HOPX: variants seen among roughly 807,000 people sequenced by gnomAD.
The protein encoded by HOPX is homeodomain-only protein.
A neutral mutation model predicts 11.8 loss-of-function variants in HOPX; 5 were observed. That is an observed-to-expected ratio of 0.43 (90% CI 0.22 to 0.89). The LOEUF is 0.89. HOPX is among the 40% of genes least tolerant of loss of function. The pLI is 0.28. For synonymous variants in HOPX, 49 were observed against 49.7 expected, an observed-to-expected ratio of 0.99 and a Z score of 0.06; for missense variants, 119 against 120.0, an observed-to-expected ratio of 0.99 and a Z score of 0.04.
chr4:56,656,052 G>C, intron 2 of HOPX, 40 bp from the exon 3 acceptor site: 1 of 1,504,636 alleles, frequency 6.6e-7, no homozygotes, highest in Non-Finnish European at 8.9e-7. Flanking sequence ...AGCGAGGCGT[G>C]GAGCGGGCGG....
At chr4:56,659,910 C>G (rs938612999) in intron 1 of HOPX, among the ~76,000 whole-genome samples, 1 of 152,136 alleles carries the variant, frequency 6.6e-6, no homozygotes, top group African/African-American at 2.4e-5. Context: ...AAACCTAATG[C>G]TATTAATCTT....
intron 1 of HOPX, 102 bp downstream of exon 1, chr4:56,681,153 T>C: frequency 6.2e-6 from 6 of 967,686 alleles, no homozygotes; most frequent in Non-Finnish European, 7.4e-6. Flanking sequence ...ACCTCTACCG[T>C]TTTCCAACAG....
At chr4:56,679,979 AATC>A (rs1719241563) in intron 1 of HOPX, 1 of 152,118 alleles carries the variant, frequency 6.6e-6, no homozygotes, top group Non-Finnish European at 1.5e-5. Flanking sequence ...TATAGCCCTT[AATC>A]ATTATTTGCT....
chr4:56,673,775 G>C (rs1006322807), intron 1 of HOPX, among the ~76,000 whole-genome samples: 2 of 152,098 alleles, frequency 1.3e-5, no homozygotes, highest in African/African-American at 4.8e-5. Context: ...TGTGATCTTG[G>C]CTCCCTGCAG....
chr4:56,673,909 T>A (rs1471738047), intron 1 of HOPX, among the ~76,000 whole-genome samples: 2 of 151,656 alleles, frequency 1.3e-5, no homozygotes, highest in Non-Finnish European at 2.9e-5. Context: ...TTCACCATGT[T>A]GGCCAGGCTG....
chr4:56,661,953 T>A (rs1277478048), intron 1 of HOPX, among the ~76,000 whole-genome samples: 2 of 152,206 alleles, frequency 1.3e-5, no homozygotes. Flanking sequence ...TCTACAGAAC[T>A]CCTGGGAGTC....
rs1436757077 is a variant in HOPX, at chr4:56,655,934, T to C, written c.121A>G (p.Lys41Glu). Reference protein sequence around the residue: ...QVEILEYNFNKVDKHPDSTTL... With the variant: ...QVEILEYNFNEVDKHPDSTTL... ...GTGGAATCCGGGTGCTTGTCGACCT[T>C]GTTGAAGTTGTACTCCAGGATTTCC... The change falls in exon 3 of 4, where the codon AAG (lysine) becomes GAG (glutamate). Residue 41 changes from lysine (K) to glutamate (E), a missense_variant. Coordinates refer to ENST00000420433, the MANE Select transcript of HOPX (RefSeq NM_032495.6). 2.5e-6 allele frequency: 4 copies of C among 1,611,646 alleles called. No individual in the cohort carries two copies. In the African/African-American group the frequency reaches 4.0e-5, roughly 16 times the overall value.
chr4:56,649,055 G>C (rs184874305), intron 3 of HOPX: 6 of 335,262 alleles, frequency 1.8e-5, no homozygotes, highest in Admixed American at 1.3e-4. Flanking sequence ...AGCTTAAACA[G>C]GACCTTCTCA....
intron 1 of HOPX, 197 bp downstream of exon 1, chr4:56,681,058 G>T (rs1321060294): frequency 1.7e-5 from 17 of 985,132 alleles, no homozygotes; most frequent in Non-Finnish European, 1.9e-5. Flanking sequence ...ATGCAGTTTT[G>T]TTTGTAAGGG....
intron 1 of HOPX, chr4:56,659,419 G>A (rs944965928): frequency 3.3e-5 from 5 of 152,142 alleles, no homozygotes; most frequent in East Asian, 1.9e-4. Flanking sequence ...CTTCCCCTTC[G>A]TCACTTATTC....
chr4:56,658,755 T>C (rs1317643925), intron 1 of HOPX, among the ~76,000 whole-genome samples: 1 of 152,242 alleles, frequency 6.6e-6, no homozygotes, highest in African/African-American at 2.4e-5. Flanking sequence ...AAAAATACTT[T>C]AAAGCTACTC....
chr4:56,654,775 A>G (rs1717512832), intron 3 of HOPX, among the ~76,000 whole-genome samples: 1 of 152,156 alleles, frequency 6.6e-6, no homozygotes, highest in Non-Finnish European at 1.5e-5. Context: ...CTAAACCTCA[A>G]CTGAGCATGG....
At chr4:56,666,829 A>G (rs1718464725) in intron 1 of HOPX, among the ~76,000 whole-genome samples, 1 of 152,210 alleles carries the variant, frequency 6.6e-6, no homozygotes, top group African/African-American at 2.4e-5. Context: ...TTTCCCGAGA[A>G]AGAATATTGT....
chr4:56,655,836 T>C (rs1442255413), intron 3 of HOPX, 21 bp downstream of exon 3: 1 of 1,607,490 alleles, frequency 6.2e-7, no homozygotes. Flanking sequence ...CGGGGCGCGC[T>C]GGGCGCGTGT....
upstream of HOPX, chr4:56,681,527 T>C: frequency 1.0e-6 from 1 of 999,832 alleles, no homozygotes; most frequent in Non-Finnish European, 1.2e-6. Flanking sequence ...CTCGTCACTA[T>C]CTTCTCGTCC....
chr4:56,678,566 C>A (rs1423597572), intron 1 of HOPX, among the ~76,000 whole-genome samples: 1 of 151,642 alleles, frequency 6.6e-6, no homozygotes, highest in Non-Finnish European at 1.5e-5. Flanking sequence ...CTGCCTCAGC[C>A]TCCCAAGTAG....
intron 1 of HOPX, chr4:56,662,556 T>G (rs547447967): frequency 6.6e-6 from 1 of 151,960 alleles, no homozygotes; most frequent in African/African-American, 2.4e-5. Flanking sequence ...CTTGGCTCAC[T>G]GCAACCTCCG....
At chr4:56,662,612 G>A (rs1438557467) in intron 1 of HOPX, 1 of 151,952 alleles carries the variant, frequency 6.6e-6, no homozygotes, top group African/African-American at 2.4e-5. Flanking sequence ...CCCCAGCTGA[G>A]ATTACAAGTG....
intron 2 of HOPX, 143 bp from the exon 3 acceptor site, chr4:56,656,155 T>A: frequency 8.7e-7 from 1 of 1,151,760 alleles, no homozygotes; most frequent in Non-Finnish European, 1.1e-6. Context: ...AAGTCCCCGG[T>A]GGCTGCACGC....
Sources: gnomAD v4.1 joint callset for allele counts (sites outside exome capture counted in the v4.1 genomes callset) on GRCh38, gnomAD v4.1.1 for gene constraint, MANE v1.5 for transcripts, NCBI Gene and HGNC (gene_info 2026-07-23, HGNC 2026-07-21) for gene names.